ZNF423: variants seen among roughly 807,000 people sequenced by gnomAD.
ZNF423 encodes the protein zinc finger protein 423.
Under a neutral mutation model 95.8 loss-of-function variants are expected in ZNF423, and 12 were observed. The observed-to-expected ratio is 0.13, with a 90% CI of 0.08 to 0.20. The LOEUF is 0.20. Ranked by LOEUF, ZNF423 falls within the 10% of genes least tolerant of loss-of-function variation. ZNF423 has a pLI of 1.00. For missense variants in ZNF423, 1,316 were observed against 1,737.1 expected (o/e 0.76, Z 4.31); for synonymous variants, 749 against 711.9 (o/e 1.05, Z -0.83).
At chr16:49,613,876 A>G (rs1263381571) in intron 5 of ZNF423, among the ~76,000 whole-genome samples, 2 of 147,136 alleles carry the variant, frequency 1.4e-5, no homozygotes, top group Admixed American at 1.3e-4. Flanking sequence ...AAATAAAACT[A>G]TAAAACTTTC....
intron 1 of ZNF423, among the ~76,000 whole-genome samples, chr16:49,848,150 G>A (rs1018098535): frequency 3.3e-5 from 5 of 152,082 alleles, no homozygotes; most frequent in African/African-American, 7.2e-5. Context: ...TTTAAGTTAC[G>A]TATATTTTAT....
intron 1 of ZNF423, among the ~76,000 whole-genome samples, chr16:49,792,033 G>T (rs2034424484): frequency 2.1e-5 from 3 of 144,662 alleles, no homozygotes; most frequent in South Asian, 4.5e-4. Context: ...AAAGAAAGTG[G>T]ATCGGTGGTT....
In ZNF423 at chr16:49,797,482, G is replaced by A. The variant is rs146802559; in HGVS notation, c.41-7936C>T. On this transcript the variant is annotated intron_variant, in intron 1 of 7. Coordinates refer to ENST00000563137, the MANE Select transcript of ZNF423 (RefSeq NM_001379286.1). ...TCACGCTCCTAGGTCAAATGACCAG[G>A]GTCAAGTGCAGACAAACCCAACGAG... Among the ~76,000 whole-genome samples the A allele has an allele frequency of 3.1e-3, 472 of 152,310 alleles. 4 individuals carry two copies. The highest frequency in any genetic ancestry group is 9.2e-3 in the Admixed American group (141 of 15,308).
At chr16:49,544,257 G>C (rs1173853014) in intron 5 of ZNF423, among the ~76,000 whole-genome samples, 1 of 152,220 alleles carries the variant, frequency 6.6e-6, no homozygotes, top group African/African-American at 2.4e-5. Context: ...TAGCAGGAAG[G>C]AGTGCAGGGA....
chr16:49,815,832 T>C (rs1248289140), intron 1 of ZNF423, among the ~76,000 whole-genome samples: 1 of 139,522 alleles, frequency 7.2e-6, no homozygotes, highest in Non-Finnish European at 1.5e-5. Context: ...GTGCATACTT[T>C]CCTGAATTTT....
chr16:49,752,822 G>T (rs932610805), intron 2 of ZNF423, among the ~76,000 whole-genome samples: 3 of 152,190 alleles, frequency 2.0e-5, no homozygotes, highest in Non-Finnish European at 2.9e-5. Flanking sequence ...GGTAGCATGA[G>T]CCTCACATGT....
rs1200484572 is a variant in ZNF423 at position 49,489,569 on chromosome 16, C to G, written c.*1706G>C. 1.3e-5 allele frequency: 2 copies of G among 152,192 alleles called. No individual in the cohort carries two copies. Among genetic ancestry groups the G allele is most frequent in the Non-Finnish European group, 1.5e-5 (1 of 68,042 alleles). 9.4% of individuals were successfully genotyped at this position (152,192 alleles called of 1,614,324 possible). On this transcript the variant is annotated 3_prime_UTR_variant, in exon 8 of 8. Coordinates refer to ENST00000563137, the MANE Select transcript of ZNF423 (RefSeq NM_001379286.1). Reference sequence around the variant, plus strand: ...CGCGTGAGAACATTACATGAGGTGACAGAAAGAAAGGGGAACTCTTATAGG... The same window carrying G: ...CGCGTGAGAACATTACATGAGGTGAGAGAAAGAAAGGGGAACTCTTATAGG...
At chr16:49,657,860 G>A (rs2151911104) in intron 3 of ZNF423, among the ~76,000 whole-genome samples, 1 of 152,292 alleles carries the variant, frequency 6.6e-6, no homozygotes, top group South Asian at 2.1e-4. Flanking sequence ...AGACTTGGAA[G>A]CCATGTCTTT....
chr16:49,582,003 G>A (rs1434483647), intron 5 of ZNF423, among the ~76,000 whole-genome samples: 4 of 152,182 alleles, frequency 2.6e-5, no homozygotes, highest in Admixed American at 1.3e-4. Flanking sequence ...TATTTTGGTT[G>A]CCACGCTGGG....
chr16:49,513,662 G>T (rs1007235886), intron 7 of ZNF423, among the ~76,000 whole-genome samples: 1 of 134,646 alleles, frequency 7.4e-6, no homozygotes, highest in Non-Finnish European at 1.6e-5. Context: ...TGGATGGATG[G>T]ATGGATGGAT....
intron 2 of ZNF423, among the ~76,000 whole-genome samples, chr16:49,741,912 A>G (rs913244769): frequency 3.3e-5 from 5 of 152,226 alleles, no homozygotes; most frequent in African/African-American, 1.2e-4. Context: ...GATGCTCCCT[A>G]TGGGACCACT....
chr16:49,597,992 G>A (rs1346362492), intron 5 of ZNF423, among the ~76,000 whole-genome samples: 1 of 152,108 alleles, frequency 6.6e-6, no homozygotes, highest in East Asian at 1.9e-4. Context: ...CAGCCTCCTG[G>A]GTGACTCCCA....
intron 7 of ZNF423, among the ~76,000 whole-genome samples, chr16:49,499,112 C>T (rs531803784): frequency 7.2e-5 from 11 of 152,186 alleles, no homozygotes; most frequent in South Asian, 2.1e-4. Context: ...GCCTCATTTA[C>T]GCAGATGGCA....
intron 1 of ZNF423, among the ~76,000 whole-genome samples, chr16:49,831,511 A>G (rs1179118976): frequency 6.6e-6 from 1 of 152,140 alleles, no homozygotes; most frequent in Non-Finnish European, 1.5e-5. Context: ...CGGAACTAAT[A>G]TAACTATTAG....
chr16:49,767,782 C>A (rs1475567236), intron 2 of ZNF423, among the ~76,000 whole-genome samples: 4 of 152,206 alleles, frequency 2.6e-5, no homozygotes, highest in Admixed American at 1.3e-4. Flanking sequence ...CCTCTGAAGT[C>A]CACGCATCCT....
intron 5 of ZNF423, among the ~76,000 whole-genome samples, chr16:49,528,647 C>T (rs369308535): frequency 6.6e-6 from 1 of 152,168 alleles, no homozygotes; most frequent in Non-Finnish European, 1.5e-5. Context: ...AAGGCAAGAC[C>T]TTTTGATTTG....
chr16:49,791,001 G>A (rs1322310094), intron 1 of ZNF423, among the ~76,000 whole-genome samples: 1 of 152,100 alleles, frequency 6.6e-6, no homozygotes, highest in Non-Finnish European at 1.5e-5. Flanking sequence ...GCTCTACATG[G>A]TGCAATCTAC....
chr16:49,733,178 G>A (rs751824008), intron 2 of ZNF423, among the ~76,000 whole-genome samples: 9 of 151,692 alleles, frequency 5.9e-5, no homozygotes, highest in African/African-American at 1.7e-4. Flanking sequence ...TCAAGTGCCC[G>A]TCTCCGAAAT....
chr16:49,636,786 G>T lies in ZNF423; in HGVS notation c.2390C>A (p.Thr797Asn), dbSNP rs767082011. Reference protein sequence around the residue: ...KAHKCIFCGETFSTEVELQCH... With the variant: ...KAHKCIFCGENFSTEVELQCH... ...CTGCAGCTCCACCTCGGTGCTGAAGGTCTCCCCACAGAAGATGCACTTGTG... is the reference window on the plus strand; with the variant it reads ...CTGCAGCTCCACCTCGGTGCTGAAGTTCTCCCCACAGAAGATGCACTTGTG... Residue 797 changes from threonine (T) to asparagine (N), a missense_variant, in exon 4 of 8, where the codon ACC (threonine) becomes AAC (asparagine). By Grantham distance (65) the Thr-to-Asn change is moderately conservative. This residue lies in a region of ZNF423 where 620 missense variants were observed against 775.6 expected (regional missense o/e 0.80). Coordinates refer to ENST00000563137, the MANE Select transcript of ZNF423 (RefSeq NM_001379286.1). The surrounding 1 kb of genome is among the most constrained non-coding windows in gnomAD (Gnocchi z 8.6). The T allele has an allele frequency of 1.2e-6, 2 of 1,614,120 alleles. No individual in the cohort carries two copies. Among genetic ancestry groups the T allele is most frequent in the East Asian group, 4.5e-5 (2 of 44,880 alleles).
Sources: allele counts gnomAD v4.1 joint callset (sites outside exome capture counted in the v4.1 genomes callset), GRCh38; gene constraint gnomAD v4.1.1; regional missense constraint gnomAD v4.1.1; non-coding constraint Gnocchi (gnomAD v3.1); transcripts MANE v1.5; gene names NCBI Gene and HGNC (gene_info 2026-07-23, HGNC 2026-07-21).